SHISA9: variants seen among roughly 807,000 people sequenced by gnomAD.
SHISA9 encodes the protein shisa family member 9.
SHISA9 carries 13 observed loss-of-function variants against 38.0 expected under a neutral mutation model. The observed-to-expected ratio is 0.34, with a 90% confidence interval of 0.22 to 0.54. The LOEUF is 0.54. Ranked by LOEUF, SHISA9 falls within the 20% of genes least tolerant of loss-of-function variation. The pLI is 0.91. For missense variants in SHISA9, 538 were observed against 575.8 expected, an observed-to-expected ratio of 0.93 and a Z score of 0.67; for synonymous variants, 275 against 242.0, an observed-to-expected ratio of 1.14 and a Z score of -1.27.
chr16:12,941,349 T>TA (rs34236666), intron 2 of SHISA9, among the ~76,000 whole-genome samples: 2 of 151,786 alleles, frequency 1.3e-5, no homozygotes, highest in East Asian at 1.9e-4. Flanking sequence ...AGATTCCATC[T>TA]AAAAAAAATA....
intron 2 of SHISA9, among the ~76,000 whole-genome samples, chr16:13,146,961 C>G (rs1374463750): frequency 1.3e-5 from 2 of 152,096 alleles, no homozygotes; most frequent in African/African-American, 4.8e-5. Context: ...CATTCTAGAG[C>G]CTAAATGATC....
chr16:12,993,809 T>C (rs985614894), intron 2 of SHISA9, among the ~76,000 whole-genome samples: 3 of 152,094 alleles, frequency 2.0e-5, no homozygotes, highest in Non-Finnish European at 4.4e-5. Context: ...TAAGTTGAGA[T>C]CTGGAAGGTG....
chr16:13,432,077 C>T, the SHISA9 span, among the ~76,000 whole-genome samples: 1 of 152,106 alleles, frequency 6.6e-6, no homozygotes, highest in Non-Finnish European at 1.5e-5. Context: ...AACAAAAAAG[C>T]TTAAATAACA....
At chr16:13,204,680 C>T (rs2051046050) in intron 3 of SHISA9, 1 of 152,226 alleles carries the variant, frequency 6.6e-6, no homozygotes, top group South Asian at 2.1e-4. Context: ...TAATGGAGTT[C>T]TTACCAAGTG....
At chr16:13,359,911 G>C in the SHISA9 span, among the ~76,000 whole-genome samples, 4 of 152,190 alleles carry the variant, frequency 2.6e-5, no homozygotes, top group Non-Finnish European at 4.4e-5. Flanking sequence ...TTCATGTTGA[G>C]CTGGTCCCCC....
At chr16:13,482,587 C>T in the SHISA9 span, among the ~76,000 whole-genome samples, 5 of 152,034 alleles carry the variant, frequency 3.3e-5, no homozygotes, top group African/African-American at 1.2e-4. Context: ...ATCACTGGAG[C>T]CCAGGAGTTC....
At chr16:12,974,932 A>G (rs563786172) in intron 2 of SHISA9, among the ~76,000 whole-genome samples, 134 of 152,170 alleles carry the variant, frequency 8.8e-4, no homozygotes, top group African/African-American at 3.1e-3. Context: ...CTATCTCTCT[A>G]TATTTATATA....
At chr16:13,116,787 G>T (rs533659025) in intron 2 of SHISA9, among the ~76,000 whole-genome samples, 49 of 152,290 alleles carry the variant, frequency 3.2e-4, no homozygotes, top group Admixed American at 3.3e-4. Context: ...GGTTTCATAC[G>T]TGAATAGTGC....
chr16:13,435,337 A>G, the SHISA9 span, among the ~76,000 whole-genome samples: 2 of 152,314 alleles, frequency 1.3e-5, no homozygotes, highest in African/African-American at 4.8e-5. Flanking sequence ...GGAATCTGAA[A>G]TGTGGTTGAA....
intron 2 of SHISA9, among the ~76,000 whole-genome samples, chr16:13,056,970 G>C (rs1269034285): frequency 1.3e-5 from 2 of 152,242 alleles, no homozygotes; most frequent in Admixed American, 1.3e-4. Flanking sequence ...TTGAACACAG[G>C]CTCTGTGGTA....
intron 2 of SHISA9, among the ~76,000 whole-genome samples, chr16:13,145,036 T>C (rs909873562): frequency 1.3e-5 from 2 of 152,206 alleles, no homozygotes; most frequent in Non-Finnish European, 2.9e-5. Context: ...TGATTGACAA[T>C]GTTTCTTCGA....
chr16:13,150,458 A>G (rs889845631), intron 2 of SHISA9, among the ~76,000 whole-genome samples: 1 of 152,066 alleles, frequency 6.6e-6, no homozygotes, highest in Non-Finnish European at 1.5e-5. Flanking sequence ...ACTTGGCCCT[A>G]TTTGTCAGCA....
At chr16:13,464,425 A>T in the SHISA9 span, among the ~76,000 whole-genome samples, 1 of 152,152 alleles carries the variant, frequency 6.6e-6, no homozygotes, top group Non-Finnish European at 1.5e-5. Context: ...AAGCCCCAAA[A>T]CTGGTGCTAT....
chr16:13,554,682 T>C, the SHISA9 span, among the ~76,000 whole-genome samples: 3 of 152,110 alleles, frequency 2.0e-5, no homozygotes, highest in Non-Finnish European at 4.4e-5. Context: ...AGCAGAGACG[T>C]GGTTTCACCA....
At chr16:13,522,189 T>C in the SHISA9 span, among the ~76,000 whole-genome samples, 1 of 152,224 alleles carries the variant, frequency 6.6e-6, no homozygotes, top group Admixed American at 6.5e-5. Flanking sequence ...CTGTGTGAGA[T>C]TTCCCCTTTT....
chr16:13,557,898 C>T, the SHISA9 span, among the ~76,000 whole-genome samples: 1 of 152,038 alleles, frequency 6.6e-6, no homozygotes, highest in African/African-American at 2.4e-5. Context: ...ACACTCCCAC[C>T]ACAGGGTTTT....
intron 2 of SHISA9, among the ~76,000 whole-genome samples, chr16:13,108,872 C>T (rs1212734227): frequency 6.6e-6 from 1 of 152,128 alleles, no homozygotes; most frequent in Non-Finnish European, 1.5e-5. Flanking sequence ...GTCAATTTCT[C>T]AATGTTTCTC....
intron 2 of SHISA9, among the ~76,000 whole-genome samples, chr16:12,961,861 C>T (rs1445089378): frequency 6.6e-6 from 1 of 152,216 alleles, no homozygotes; most frequent in Non-Finnish European, 1.5e-5. Context: ...GGTGTGATCA[C>T]ACACACCTGC....
intron 2 of SHISA9, among the ~76,000 whole-genome samples, chr16:12,946,081 C>T (rs144453206): frequency 1.7e-3 from 255 of 152,326 alleles, no homozygotes; most frequent in African/African-American, 5.6e-3. Flanking sequence ...TTCCCAGCAC[C>T]ATTTATTGAA....
Sources: allele counts gnomAD v4.1 joint callset (sites outside exome capture counted in the v4.1 genomes callset), GRCh38; gene constraint gnomAD v4.1.1; transcripts MANE v1.5; gene names NCBI Gene and HGNC (gene_info 2026-07-23, HGNC 2026-07-21).